The following SLC17A8 variants were observed in gnomAD, a reference collection of about 807,000 sequenced individuals.
SLC17A8 encodes vesicular glutamate transporter 3.
In SLC17A8, 31 loss-of-function variants were observed where a neutral mutation model predicts 58.0. That is an observed-to-expected ratio of 0.53 (90% CI 0.40 to 0.72). SLC17A8 has a LOEUF of 0.72. Ranked by LOEUF, SLC17A8 falls within the 30% of genes least tolerant of loss-of-function variation. SLC17A8 has a pLI of 0.00. For synonymous variants in SLC17A8, 228 were observed against 249.0 expected, an observed-to-expected ratio of 0.92 and a Z score of 0.79; for missense variants, 655 against 727.8, an observed-to-expected ratio of 0.90 and a Z score of 1.15.
intron 10 of SLC17A8, 106 bp from the exon 11 acceptor site, chr12:100,417,923 G>A (rs770084529): frequency 3.7e-5 from 53 of 1,444,290 alleles, no homozygotes; most frequent in Non-Finnish European, 4.9e-5. Context: ...TCATATACTA[G>A]AGGAAACCAA....
At chr12:100,383,685 GA>G (rs1207724940) in intron 2 of SLC17A8, among the ~76,000 whole-genome samples, 1 of 152,052 alleles carries the variant, frequency 6.6e-6, no homozygotes, top group Non-Finnish European at 1.5e-5. Flanking sequence ...GGGGTATGAA[GA>G]GTGATTTTAA....
intron 2 of SLC17A8, among the ~76,000 whole-genome samples, chr12:100,387,865 T>C (rs770246919): frequency 6.6e-6 from 1 of 152,168 alleles, no homozygotes; most frequent in Non-Finnish European, 1.5e-5. Context: ...GTTTTAAAGA[T>C]TAAAGGAGGA....
At chr12:100,396,567 A>G in intron 5 of SLC17A8, 150 bp downstream of exon 5, 1 of 634,628 alleles carries the variant, frequency 1.6e-6, no homozygotes, top group Non-Finnish European at 2.8e-6. Context: ...TGGACAATAT[A>G]GTGACACTTC....
intron 10 of SLC17A8, among the ~76,000 whole-genome samples, chr12:100,416,115 T>C (rs1370258629): frequency 6.6e-6 from 1 of 152,238 alleles, no homozygotes; most frequent in East Asian, 1.9e-4. Flanking sequence ...TCTCTCAGTT[T>C]ATGTGTAATT....
chr12:100,389,313 GA>G (rs1044959122), intron 2 of SLC17A8, among the ~76,000 whole-genome samples: 7 of 152,116 alleles, frequency 4.6e-5, no homozygotes, highest in African/African-American at 1.7e-4. Flanking sequence ...TCTCTAAGCA[GA>G]GAGATAACCT....
intron 4 of SLC17A8, 100 bp from the exon 5 acceptor site, chr12:100,396,230 C>A: frequency 1.0e-6 from 1 of 952,840 alleles, no homozygotes; most frequent in Non-Finnish European, 1.7e-6. Context: ...GTAAATTGGG[C>A]TTTTATATTG....
chr12:100,364,047 C>CAAAAAAA (rs3057169), intron 1 of SLC17A8, among the ~76,000 whole-genome samples: 7 of 52,988 alleles, frequency 1.3e-4, no homozygotes, highest in African/African-American at 1.9e-4. Flanking sequence ...GATTCCATCT[C>CAAAAAAA]AAAAAAAAAA....
chr12:100,359,220 A>G (rs907872177), intron 1 of SLC17A8, among the ~76,000 whole-genome samples: 3 of 152,332 alleles, frequency 2.0e-5, no homozygotes, highest in South Asian at 2.1e-4. Flanking sequence ...GCCTTCATTT[A>G]TAAAATATTT....
rs1417240191 is a variant in SLC17A8 at position 100,421,627 on chromosome 12, T to C, written c.*1468T>C. ...GAAAAATATAATACGGAAAAAATTA[T>C]AGATTTACTTGTAGCTTATTATTGT... On this transcript the variant is annotated 3_prime_UTR_variant, in exon 12 of 12. Coordinates refer to ENST00000323346, the MANE Select transcript of SLC17A8 (RefSeq NM_139319.3). The C allele has an allele frequency of 6.6e-6, 1 of 150,850 alleles. No homozygotes were observed. The highest frequency in any genetic ancestry group is 1.5e-5 in the Non-Finnish European group (1 of 67,788). 9.3% of individuals were successfully genotyped at this position (150,850 alleles called of 1,614,324 possible). A position where few individuals can be genotyped will look rare whatever the true frequency, so the allele number is the denominator to read the frequency against.
intron 9 of SLC17A8, among the ~76,000 whole-genome samples, chr12:100,408,314 A>G (rs1476594020): frequency 6.6e-6 from 1 of 152,234 alleles, no homozygotes; most frequent in Non-Finnish European, 1.5e-5. Context: ...ATGCTTAAAG[A>G]CAGATGCCAA....
At chr12:100,418,435 A>G (rs1293625477) in intron 11 of SLC17A8, among the ~76,000 whole-genome samples, 1 of 152,228 alleles carries the variant, frequency 6.6e-6, no homozygotes, top group Non-Finnish European at 1.5e-5. Context: ...AGAGACCCAA[A>G]GAAGAAACTG....
chr12:100,410,192 T>G (rs1387495435), intron 9 of SLC17A8, among the ~76,000 whole-genome samples: 4 of 152,010 alleles, frequency 2.6e-5, no homozygotes, highest in Admixed American at 1.3e-4. Flanking sequence ...AAACCCGGCC[T>G]CTACTAAAAA....
At chr12:100,401,492 T>C (rs186772859) in intron 5 of SLC17A8, among the ~76,000 whole-genome samples, 3 of 152,246 alleles carry the variant, frequency 2.0e-5, no homozygotes, top group East Asian at 3.9e-4. Flanking sequence ...TAGATTTTTT[T>C]CATCTTCTGA....
At chr12:100,364,942 A>G (rs1336911767) in intron 1 of SLC17A8, among the ~76,000 whole-genome samples, 3 of 152,204 alleles carry the variant, frequency 2.0e-5, no homozygotes, top group Non-Finnish European at 4.4e-5. Context: ...CTAACATACC[A>G]AATTGACCAG....
chr12:100,378,654 G>A (rs1566390494), intron 1 of SLC17A8, among the ~76,000 whole-genome samples: 1 of 152,118 alleles, frequency 6.6e-6, no homozygotes, highest in Non-Finnish European at 1.5e-5. Context: ...CAATATTCGT[G>A]AGGGGATAAA....
At chr12:100,418,288 CT>C (rs558307535) in intron 11 of SLC17A8, 132 bp downstream of exon 11, 1,636 of 995,994 alleles carry the variant, frequency 1.6e-3, no homozygotes, top group Non-Finnish European at 1.8e-3. Flanking sequence ...AGCTGAACTT[CT>C]TTTTTTTTTC....
chr12:100,385,378 G>A (rs1206156035), intron 2 of SLC17A8, among the ~76,000 whole-genome samples: 1 of 151,706 alleles, frequency 6.6e-6, no homozygotes, highest in Non-Finnish European at 1.5e-5. Flanking sequence ...TGGGATTACA[G>A]GTGCATGCCA....
intron 11 of SLC17A8, 124 bp from the exon 12 acceptor site, chr12:100,419,691 A>G: frequency 1.1e-6 from 1 of 890,760 alleles, no homozygotes; most frequent in African/African-American, 1.6e-5. Context: ...CTCCCGCCCA[A>G]GGAGCCTCTA....
chr12:100,378,695 G>A (rs1443544996), intron 1 of SLC17A8, among the ~76,000 whole-genome samples: 1 of 151,984 alleles, frequency 6.6e-6, no homozygotes, highest in Non-Finnish European at 1.5e-5. Context: ...CAGGGAAAGG[G>A]GCTGGACTTA....
Sources: allele counts gnomAD v4.1 joint callset (sites outside exome capture counted in the v4.1 genomes callset), GRCh38; gene constraint gnomAD v4.1.1; transcripts MANE v1.5; gene names NCBI Gene and HGNC (gene_info 2026-07-23, HGNC 2026-07-21).